IGF2R: variants seen among roughly 807,000 people sequenced by gnomAD.
IGF2R encodes insulin like growth factor 2 receptor.
IGF2R carries 91 observed loss-of-function variants against 270.6 expected under a neutral mutation model. That is an observed-to-expected ratio of 0.34 (90% confidence interval 0.28 to 0.40). The LOEUF (loss-of-function observed/expected upper bound fraction) is 0.40, where lower values mean the gene tolerates loss of function less well. IGF2R is among the 10% of genes least tolerant of loss of function. IGF2R has a pLI of 1.00. For synonymous variants in IGF2R, 1,316 were observed against 1,258.9 expected, an observed-to-expected ratio of 1.05 and a Z score of -0.96; for missense variants, 2,805 against 3,188.3, an observed-to-expected ratio of 0.88 and a Z score of 2.90.
Position 160,090,027 on chromosome 6 carries a change from A to C in IGF2R, c.6579A>C (p.Ile2193=). The part of the protein sequence containing the change: ...SRNPACSGAN[I]CQVKPNDQHF... ...ACCCGGCGTGCTCTGGAGCCAACATATGCCAGGTGAAGCCCAACGATCAGC... is the reference window on the plus strand; with the variant it reads ...ACCCGGCGTGCTCTGGAGCCAACATCTGCCAGGTGAAGCCCAACGATCAGC... Residue 2193 remains isoleucine, a synonymous_variant, in exon 44 of 48, where the codon ATA becomes ATC. Transcript: ENST00000356956. The C allele has an allele frequency of 6.2e-7, 1 of 1,604,514 alleles. No individual in the cohort carries two copies. The highest frequency in any genetic ancestry group is 8.5e-7 in the Non-Finnish European group (1 of 1,175,640).
At chr6:160,005,928 C>G (rs1485351553) in intron 2 of IGF2R, 1 of 161,030 alleles carries the variant, frequency 6.2e-6, no homozygotes, top group African/African-American at 2.4e-5. Flanking sequence ...CCGTGCCTCC[C>G]CGCACCTTTT....
At chr6:160,061,390 C>T in intron 23 of IGF2R, 113 bp from the exon 24 acceptor site, 1 of 928,896 alleles carries the variant, frequency 1.1e-6, no homozygotes, top group Non-Finnish European at 1.7e-6. Flanking sequence ...CTTATCCTCA[C>T]AGTTAGGAAT....
At chr6:160,018,601 AC>A (rs1356279684) in intron 4 of IGF2R, among the ~76,000 whole-genome samples, 1 of 152,206 alleles carries the variant, frequency 6.6e-6, no homozygotes, top group Non-Finnish European at 1.5e-5. Context: ...ATTGAAAAAA[AC>A]CAAAATGATA....
intron 3 of IGF2R, among the ~76,000 whole-genome samples, chr6:160,009,672 A>G (rs1378966344): frequency 6.6e-6 from 1 of 152,182 alleles, no homozygotes; most frequent in Non-Finnish European, 1.5e-5. Flanking sequence ...TATTGTATGT[A>G]ATTTGTTGAT....
intron 11 of IGF2R, among the ~76,000 whole-genome samples, chr6:160,042,451 T>C (rs1777966095): frequency 6.6e-6 from 1 of 152,208 alleles, no homozygotes; most frequent in Non-Finnish European, 1.5e-5. Context: ...TGACACACTT[T>C]GTAAGTTACT....
At chr6:160,020,186 G>C (rs538021135) in intron 4 of IGF2R, among the ~76,000 whole-genome samples, 2 of 150,694 alleles carry the variant, frequency 1.3e-5, no homozygotes, top group Admixed American at 6.6e-5. Flanking sequence ...ATCAAATCAA[G>C]AAGTCAATCC....
At chr6:160,027,425 G>A in intron 6 of IGF2R, 111 bp downstream of exon 6, 3 of 1,217,412 alleles carry the variant, frequency 2.5e-6, no homozygotes, top group Non-Finnish European at 3.4e-6. Context: ...AGTCCCTGCA[G>A]CATTGCTGCT....
At chr6:160,103,306 G>A (rs1416191085) in intron 46 of IGF2R, among the ~76,000 whole-genome samples, 1 of 150,714 alleles carries the variant, frequency 6.6e-6, no homozygotes, top group Admixed American at 6.6e-5. Flanking sequence ...GGGCAACACA[G>A]TGAGACTCTG....
At chr6:160,049,717 C>T (rs1012560726) in intron 18 of IGF2R, among the ~76,000 whole-genome samples, 4 of 152,220 alleles carry the variant, frequency 2.6e-5, no homozygotes, top group Admixed American at 2.6e-4. Flanking sequence ...AGCCACTTAA[C>T]ACTCCTTAAC....
chr6:160,035,288 C>T (rs1414542435), intron 10 of IGF2R, among the ~76,000 whole-genome samples: 4 of 152,136 alleles, frequency 2.6e-5, no homozygotes, highest in South Asian at 2.1e-4. Context: ...CCCTTGCTTC[C>T]GTGTGTTCTG....
chr6:160,011,229 G>A (rs996615641), intron 4 of IGF2R, among the ~76,000 whole-genome samples: 1 of 152,104 alleles, frequency 6.6e-6, no homozygotes, highest in Admixed American at 6.5e-5. Context: ...TGTTTGCATT[G>A]TTAAATCTCT....
intron 5 of IGF2R, among the ~76,000 whole-genome samples, chr6:160,026,294 G>A (rs1272881608): frequency 1.3e-5 from 2 of 152,208 alleles, no homozygotes; most frequent in South Asian, 2.1e-4. Context: ...AGGCTTGAGA[G>A]TTAAAGGTTT....
intron 41 of IGF2R, among the ~76,000 whole-genome samples, chr6:160,087,690 A>T (rs1779124216): frequency 1.3e-5 from 2 of 152,096 alleles, no homozygotes; most frequent in Non-Finnish European, 1.5e-5. Flanking sequence ...TGTTTTTGAG[A>T]TGGAGTTTTG....
In IGF2R at chr6:160,011,605, C is replaced by T. The variant is rs906127326; in HGVS notation, c.513+820C>T. Among the ~76,000 whole-genome samples, 4 of 144,576 alleles carry T rather than the reference C, an allele frequency of 2.8e-5. No individual in the cohort carries two copies. In the Admixed American group the frequency reaches 2.8e-4, roughly 10 times the overall value. 94.8% of individuals were successfully genotyped at this position (144,576 alleles called of 152,430 possible). A position where few individuals can be genotyped will look rare whatever the true frequency, so the allele number is the denominator to read the frequency against. On this transcript the variant is annotated intron_variant, in intron 4 of 47. Coordinates refer to ENST00000356956, the MANE Select transcript of IGF2R (RefSeq NM_000876.4). Reference sequence around the variant, plus strand: ...TAAAATCTACTCTCTTAGTGATACGCAAGAATAAATTACATTGTTATTAAC... The same window carrying T: ...TAAAATCTACTCTCTTAGTGATACGTAAGAATAAATTACATTGTTATTAAC...
intron 10 of IGF2R, among the ~76,000 whole-genome samples, chr6:160,036,801 G>C (rs1332829074): frequency 6.6e-6 from 1 of 152,010 alleles, no homozygotes; most frequent in Non-Finnish European, 1.5e-5. Context: ...CAGTAGAGTG[G>C]GGAGATCTTG....
intron 19 of IGF2R, among the ~76,000 whole-genome samples, chr6:160,054,837 T>G (rs1217278392): frequency 1.3e-5 from 2 of 152,184 alleles, no homozygotes; most frequent in Non-Finnish European, 2.9e-5. Context: ...CATTATCAAC[T>G]AAATTATTAA....
chr6:159,980,195 GAAA>G (rs1783763331), intron 1 of IGF2R, among the ~76,000 whole-genome samples: 1 of 63,716 alleles, frequency 1.6e-5, no homozygotes, highest in Non-Finnish European at 2.9e-5. Flanking sequence ...AAGAAAGAAA[GAAA>G]GAAAGAAAGA....
At chr6:160,048,631 A>G (rs1396346588) in intron 18 of IGF2R, 88 bp downstream of exon 18, 1 of 1,373,610 alleles carries the variant, frequency 7.3e-7, no homozygotes, top group East Asian at 2.4e-5. Flanking sequence ...CATCCAGATC[A>G]AAGGCAGCAC....
At chr6:160,024,803 T>C in intron 5 of IGF2R, 99 bp downstream of exon 5, 1 of 1,343,524 alleles carries the variant, frequency 7.4e-7, no homozygotes. Context: ...TTCACATCCA[T>C]GTTTCTGATT....
Sources: allele counts gnomAD v4.1 joint callset (sites outside exome capture counted in the v4.1 genomes callset), GRCh38; gene constraint gnomAD v4.1.1; transcripts MANE v1.5; gene names NCBI Gene and HGNC (gene_info 2026-07-23, HGNC 2026-07-21).